CNTN6: variants seen among roughly 807,000 people sequenced by gnomAD.
CNTN6 encodes the protein contactin 6, also known as contactin-6.
Under a neutral mutation model 122.8 loss-of-function variants are expected in CNTN6, and 137 were observed. That is an observed-to-expected ratio of 1.12 (90% CI 0.97 to 1.29). The LOEUF (loss-of-function observed/expected upper bound fraction) is 1.29. CNTN6 is among the 50% of genes most tolerant of loss of function. The probability of loss-of-function intolerance (pLI) is 0.00; values close to 1 mark genes in which losing one functional copy is unlikely to be tolerated. For missense variants in CNTN6, 1,634 were observed against 1,223.4 expected (o/e 1.34, Z -5.01); for synonymous variants, 570 against 426.0 (o/e 1.34, Z -4.16).
chr3:1,193,873 A>C lies in CNTN6; in HGVS notation c.56-26814A>C, dbSNP rs147463287. 3.2e-3 allele frequency among the ~76,000 whole-genome samples: 487 copies of C among 152,302 alleles called. 2 individuals are homozygous for C. Among genetic ancestry groups the C allele is most frequent in the African/African-American group, 0.011 (470 of 41,562 alleles). ...TACAGTGATCTTAAGTGTTCAGATC[A>C]ATACGTTTTAAGAATTGTATATACC... On this transcript the variant is annotated intron_variant, in intron 2 of 22. Transcript: ENST00000446702.
At chr3:1,155,392 C>T (rs1166599755) in intron 2 of CNTN6, among the ~76,000 whole-genome samples, 1 of 152,142 alleles carries the variant, frequency 6.6e-6, no homozygotes, top group African/African-American at 2.4e-5. Flanking sequence ...CCAATATTCC[C>T]AAACACCTTT....
At chr3:1,281,357 C>T (rs561877847) in intron 5 of CNTN6, among the ~76,000 whole-genome samples, 1 of 152,032 alleles carries the variant, frequency 6.6e-6, no homozygotes, top group Admixed American at 6.6e-5. Flanking sequence ...AAGTAAATGT[C>T]GGCGTGGCCA....
intron 2 of CNTN6, among the ~76,000 whole-genome samples, chr3:1,161,237 AT>A (rs57452888): frequency 6.7e-6 from 1 of 149,182 alleles, no homozygotes; most frequent in Non-Finnish European, 1.5e-5. Context: ...ATTGCATATA[AT>A]GATATATGAT....
chr3:1,148,060 G>T lies in CNTN6; in HGVS notation c.52G>T (p.Ala18Ser). 6.2e-7 allele frequency: 1 copy of T among 1,606,178 alleles called. No homozygotes were observed. Among genetic ancestry groups the T allele is most frequent in the Admixed American group, 1.7e-5 (1 of 59,914 alleles). Residue 18 changes from alanine (A) to serine (S), a missense_variant, in exon 2 of 23, where the codon GCA becomes TCA. Physicochemically the swap from Ala to Ser is moderately conservative, Grantham distance 99. Coordinates refer to ENST00000446702, the MANE Select transcript of CNTN6 (RefSeq NM_001289080.2). ...TCTGCTGCCACTCATAAACTCTTCT[G>T]CAGGTAAAGTGTTCTATTATTATAA... Reference protein sequence around the residue: ...VILLPLINSSAGDGLLSRPIF... With the variant: ...VILLPLINSSSGDGLLSRPIF...
At chr3:1,126,234 G>A (rs995259121) in intron 1 of CNTN6, among the ~76,000 whole-genome samples, 8 of 151,874 alleles carry the variant, frequency 5.3e-5, no homozygotes, top group Non-Finnish European at 1.0e-4. Flanking sequence ...TATACCGAAA[G>A]TTGAATCAGT....
intron 4 of CNTN6, among the ~76,000 whole-genome samples, chr3:1,233,756 A>G (rs2094387156): frequency 6.6e-6 from 1 of 151,226 alleles, no homozygotes; most frequent in Non-Finnish European, 1.5e-5. Flanking sequence ...AAAAAAAAAA[A>G]AAGTAGTTTG....
intron 17 of CNTN6, among the ~76,000 whole-genome samples, chr3:1,382,496 T>C (rs1692052924): frequency 3.9e-5 from 6 of 152,216 alleles, no homozygotes; most frequent in Admixed American, 2.6e-4. Context: ...ATATGTTATT[T>C]CACAGTAATT....
At chr3:1,300,046 A>T (rs1356223434) in intron 7 of CNTN6, among the ~76,000 whole-genome samples, 1 of 151,870 alleles carries the variant, frequency 6.6e-6, no homozygotes, top group East Asian at 1.9e-4. Context: ...GCTTGATCTC[A>T]GCTCACTGCA....
chr3:1,376,904 C>T (rs1031137416), intron 16 of CNTN6, 101 bp from the exon 17 acceptor site: 7 of 733,592 alleles, frequency 9.5e-6, no homozygotes, highest in African/African-American at 8.8e-5. Flanking sequence ...TCACAGTATG[C>T]CTGTGTGAGA....
intron 4 of CNTN6, among the ~76,000 whole-genome samples, chr3:1,244,672 T>A (rs188151960): frequency 0.045 from 6,573 of 147,474 alleles, 312 homozygotes; most frequent in East Asian, 0.12. Context: ...GTGTGAGCAA[T>A]AAAGCTGTTT....
chr3:1,155,731 G>T (rs1029553163), intron 2 of CNTN6, among the ~76,000 whole-genome samples: 1 of 152,074 alleles, frequency 6.6e-6, no homozygotes. Flanking sequence ...TTTATCTCAA[G>T]ATGTATTTTT....
intron 20 of CNTN6, among the ~76,000 whole-genome samples, chr3:1,388,978 G>A (rs1367270466): frequency 1.4e-5 from 2 of 142,148 alleles, no homozygotes; most frequent in Non-Finnish European, 3.1e-5. Flanking sequence ...AACCAAGTTG[G>A]AAAACACTCT....
intron 16 of CNTN6, among the ~76,000 whole-genome samples, chr3:1,375,098 AT>A (rs1709671183): frequency 6.6e-6 from 1 of 152,064 alleles, no homozygotes; most frequent in African/African-American, 2.4e-5. Flanking sequence ...TGAGCAATAG[AT>A]TAGCCAAAGA....
chr3:1,101,459 C>T (rs776871739), intron 1 of CNTN6, among the ~76,000 whole-genome samples: 1 of 152,152 alleles, frequency 6.6e-6, no homozygotes, highest in Non-Finnish European at 1.5e-5. Flanking sequence ...TTGCATGGTG[C>T]CGTGTACTTC....
chr3:1,184,996 G>A (rs1409594545), intron 2 of CNTN6, among the ~76,000 whole-genome samples: 3 of 152,034 alleles, frequency 2.0e-5, no homozygotes, highest in Non-Finnish European at 4.4e-5. Context: ...TGTACACTTG[G>A]TAGGCATTAG....
intron 10 of CNTN6, among the ~76,000 whole-genome samples, chr3:1,329,051 T>C (rs2125996119): frequency 6.6e-6 from 1 of 151,484 alleles, no homozygotes; most frequent in Admixed American, 6.6e-5. Context: ...ATAAATCAGA[T>C]TGGTATATAT....
At chr3:1,323,644 A>G (rs903298811) in intron 8 of CNTN6, among the ~76,000 whole-genome samples, 1 of 151,794 alleles carries the variant, frequency 6.6e-6, no homozygotes, top group Non-Finnish European at 1.5e-5. Flanking sequence ...ATCCATCTAT[A>G]TCGTAATTTT....
chr3:1,215,957 C>T (rs1406336592), intron 2 of CNTN6, among the ~76,000 whole-genome samples: 1 of 152,048 alleles, frequency 6.6e-6, no homozygotes, highest in Admixed American at 6.6e-5. Flanking sequence ...TACCTGGGTG[C>T]TTCTCTCTAT....
chr3:1,251,959 G>A (rs1436921614), intron 4 of CNTN6, among the ~76,000 whole-genome samples: 1 of 152,090 alleles, frequency 6.6e-6, no homozygotes, highest in Non-Finnish European at 1.5e-5. Context: ...CTGGCACTCT[G>A]ACTAACTAGA....
Sources: gnomAD v4.1 joint callset for allele counts (sites outside exome capture counted in the v4.1 genomes callset) on GRCh38, gnomAD v4.1.1 for gene constraint, MANE v1.5 for transcripts, NCBI Gene and HGNC (gene_info 2026-07-23, HGNC 2026-07-21) for gene names.